Variants in TENM3 observed in about 807,000 individuals in gnomAD.
The protein encoded by TENM3 is teneurin transmembrane protein 3.
In TENM3, 63 loss-of-function variants were observed where a neutral mutation model predicts 255.1. That is an observed-to-expected ratio of 0.25 (90% CI 0.20 to 0.30). The LOEUF (loss-of-function observed/expected upper bound fraction) is 0.30, where lower values mean the gene tolerates loss of function less well. Ranked by LOEUF, TENM3 falls within the 10% of genes least tolerant of loss-of-function variation. The pLI is 1.00. For missense variants in TENM3, 2,929 were observed against 3,461.1 expected, an observed-to-expected ratio of 0.85 and a Z score of 3.86; for synonymous variants, 1,306 against 1,322.3, an observed-to-expected ratio of 0.99 and a Z score of 0.27.
At chr4:182,732,175 G>C (rs1418256432) in intron 16 of TENM3, among the ~76,000 whole-genome samples, 1 of 137,722 alleles carries the variant, frequency 7.3e-6, no homozygotes, top group African/African-American at 2.8e-5. Flanking sequence ...TGAAACTGTA[G>C]CTTAAACTCA....
intron 3 of TENM3, chr4:182,349,958 A>C (rs1264916695): frequency 4.7e-6 from 1 of 213,502 alleles, no homozygotes; most frequent in East Asian, 1.6e-4. Context: ...ATGTGTTTTC[A>C]TCTGGTTTAA....
chr4:182,625,167 T>C (rs1005082817), intron 4 of TENM3, among the ~76,000 whole-genome samples: 1 of 152,150 alleles, frequency 6.6e-6, no homozygotes, highest in African/African-American at 2.4e-5. Context: ...GGTCCATCGG[T>C]GATACCAGGA....
chr4:181,780,755 T>C, the TENM3 span, among the ~76,000 whole-genome samples: 3 of 151,948 alleles, frequency 2.0e-5, no homozygotes, highest in Admixed American at 2.0e-4. Flanking sequence ...TCTTCTAGGG[T>C]TTTTTAGGTC....
intron 3 of TENM3, among the ~76,000 whole-genome samples, chr4:182,361,039 T>G (rs1010274278): frequency 7.9e-5 from 12 of 152,340 alleles, no homozygotes; most frequent in African/African-American, 2.2e-4. Flanking sequence ...TAAGAATGTT[T>G]AATATTGGCT....
intron 3 of TENM3, among the ~76,000 whole-genome samples, chr4:182,483,927 C>A (rs1734446122): frequency 6.6e-6 from 1 of 152,106 alleles, no homozygotes; most frequent in Non-Finnish European, 1.5e-5. Flanking sequence ...AGGAAGTCCT[C>A]CCCCATGAGC....
At chr4:182,333,303 A>ACT (rs1298384796) in intron 2 of TENM3, among the ~76,000 whole-genome samples, 3 of 152,238 alleles carry the variant, frequency 2.0e-5, no homozygotes, top group Admixed American at 1.3e-4. Context: ...GCTTTTCAGT[A>ACT]GGTGTGTAAA....
the TENM3 span, among the ~76,000 whole-genome samples, chr4:181,565,520 CAATG>C: frequency 6.6e-6 from 1 of 152,078 alleles, no homozygotes; most frequent in Admixed American, 6.6e-5. Context: ...ATAAGAAGTG[CAATG>C]GCGAAGTATG....
chr4:181,990,227 A>T, the TENM3 span, among the ~76,000 whole-genome samples: 1 of 152,162 alleles, frequency 6.6e-6, no homozygotes, highest in Non-Finnish European at 1.5e-5. Context: ...ATTAAAGAAG[A>T]CATATAAGTA....
At chr4:181,529,969 A>G in the TENM3 span, among the ~76,000 whole-genome samples, 22 of 152,212 alleles carry the variant, frequency 1.4e-4, no homozygotes, top group African/African-American at 5.1e-4. Flanking sequence ...AAGAGAAACT[A>G]AGTAAGAATA....
chr4:181,689,701 C>T, the TENM3 span, among the ~76,000 whole-genome samples: 3 of 152,038 alleles, frequency 2.0e-5, no homozygotes, highest in African/African-American at 7.2e-5. Context: ...ATAAAGGGCA[C>T]AGGAAGAGAA....
the TENM3 span, among the ~76,000 whole-genome samples, chr4:181,985,319 G>GA: frequency 0.18 from 26,072 of 142,852 alleles, 2,300 homozygotes; most frequent in Admixed American, 0.24. Flanking sequence ...TTCCCATAGA[G>GA]AAAAAAAAAA....
At chr4:181,826,729 C>T in the TENM3 span, among the ~76,000 whole-genome samples, 1 of 152,174 alleles carries the variant, frequency 6.6e-6, no homozygotes, top group South Asian at 2.1e-4. Context: ...TTGAAAAATA[C>T]AGCTGCCTAG....
At chr4:181,732,782 G>C in the TENM3 span, among the ~76,000 whole-genome samples, 1 of 152,000 alleles carries the variant, frequency 6.6e-6, no homozygotes, top group African/African-American at 2.4e-5. Flanking sequence ...GAGTAGGGGG[G>C]CGGGGGATGA....
intron 1 of TENM3, among the ~76,000 whole-genome samples, chr4:182,157,708 C>T (rs971564845): frequency 4.6e-5 from 7 of 152,136 alleles, no homozygotes; most frequent in Admixed American, 2.0e-4. Context: ...TAGATGAGGA[C>T]GAAAGATGTG....
At chr4:182,336,843 C>CTTTTTTTTTTTTTTTTTTTTTTTTTTTTT (rs34620762) in intron 2 of TENM3, among the ~76,000 whole-genome samples, 1 of 113,498 alleles carries the variant, frequency 8.8e-6, no homozygotes. Flanking sequence ...TTATTCTTAG[C>CTTTTTTTTTTTTTTTTTTTTTTTTTTTTT]TTTTTTTTTT....
the TENM3 span, among the ~76,000 whole-genome samples, chr4:182,043,171 C>G: frequency 6.6e-6 from 1 of 152,102 alleles, no homozygotes; most frequent in East Asian, 1.9e-4. Flanking sequence ...CATACACATT[C>G]TTACATGCCC....
At chr4:181,884,490 C>G in the TENM3 span, among the ~76,000 whole-genome samples, 1 of 152,086 alleles carries the variant, frequency 6.6e-6, no homozygotes, top group Admixed American at 6.5e-5. Flanking sequence ...CAAGTAACCT[C>G]TATTCTACCT....
chr4:182,689,365 C>T (rs1461545344), intron 12 of TENM3, among the ~76,000 whole-genome samples: 2 of 152,080 alleles, frequency 1.3e-5, no homozygotes, highest in African/African-American at 2.4e-5. Context: ...TTTGGTTAGC[C>T]GGGAACTTTG....
At chr4:181,594,725 A>G in the TENM3 span, among the ~76,000 whole-genome samples, 1 of 152,156 alleles carries the variant, frequency 6.6e-6, no homozygotes, top group Non-Finnish European at 1.5e-5. Context: ...ACCCAGGTTC[A>G]CTGTACAACT....
Sources: allele counts gnomAD v4.1 joint callset (sites outside exome capture counted in the v4.1 genomes callset), GRCh38; gene constraint gnomAD v4.1.1; transcripts MANE v1.5; gene names NCBI Gene and HGNC (gene_info 2026-07-23, HGNC 2026-07-21).